Variants in MCM3AP observed in about 807,000 individuals in gnomAD.
MCM3AP encodes minichromosome maintenance complex component 3 associated protein, also known as germinal-center associated nuclear protein.
A neutral mutation model predicts 184.1 loss-of-function variants in MCM3AP; 126 were observed. The observed-to-expected ratio is 0.68, with a 90% CI of 0.59 to 0.79. The LOEUF (loss-of-function observed/expected upper bound fraction) is 0.79. Ranked by LOEUF, MCM3AP falls within the 30% of genes least tolerant of loss-of-function variation. The pLI, the probability that MCM3AP is intolerant of heterozygous loss-of-function variation, is 0.00. For synonymous variants in MCM3AP, 1,002 were observed against 979.3 expected (o/e 1.02, Z -0.43); for missense variants, 2,496 against 2,479.2 (o/e 1.01, Z -0.14).
At chr21:46,279,017 G>C (rs918793318) in intron 4 of MCM3AP, among the ~76,000 whole-genome samples, 1 of 151,564 alleles carries the variant, frequency 6.6e-6, no homozygotes, top group Admixed American at 6.6e-5. Context: ...AGTAATGCTG[G>C]AAACTGCTGA....
At chr21:46,269,915 C>T (rs1052481727) in intron 9 of MCM3AP, among the ~76,000 whole-genome samples, 12 of 152,170 alleles carry the variant, frequency 7.9e-5, no homozygotes, top group African/African-American at 2.4e-4. Flanking sequence ...GTTTACTCTG[C>T]GCAAACCCCA....
At chr21:46,258,056 C>A (rs1304444122) in intron 16 of MCM3AP, among the ~76,000 whole-genome samples, 1 of 152,120 alleles carries the variant, frequency 6.6e-6, no homozygotes, top group Non-Finnish European at 1.5e-5. Context: ...TACAGCCAAG[C>A]CTCCACCTCA....
Position 46,265,461 on chromosome 21 carries a change from A to G in MCM3AP, c.3094T>C (p.Ser1032Pro), listed in dbSNP as rs756082859. 31 of 1,613,486 alleles carry G rather than the reference A, an allele frequency of 1.9e-5. No homozygotes were observed. The highest frequency in any genetic ancestry group is 1.3e-4 in the Admixed American group (8 of 59,952). ...GGTGAGGGCGCAGGGGCTGGTAGAG[A>G]CTGTGGGAGACTGGACAGGGGTGCA... Reference protein sequence around the residue: ...PDAPLSSLPQSLPAPAPSPVP... With the variant: ...PDAPLSSLPQPLPAPAPSPVP... Residue 1032 changes from serine (S) to proline (P), a missense_variant, in exon 12 of 28, where the codon TCT (serine) becomes CCT (proline). Physicochemically the swap from Ser to Pro is moderately conservative, Grantham distance 74. Transcript: ENST00000291688.
In MCM3AP at chr21:46,256,921, G is replaced by A; in HGVS notation, c.3800C>T (p.Pro1267Leu). 1 of 1,611,634 alleles carries A rather than the reference G, an allele frequency of 6.2e-7. No homozygotes were observed. Residue 1267 changes from proline to leucine, a missense_variant, in exon 17 of 28, where the codon CCC (proline) becomes CTC (leucine). Coordinates refer to ENST00000291688, the MANE Select transcript of MCM3AP (RefSeq NM_003906.5). ...RRQMRAFPAA[P>L]CCVDVSDRLR... The stretch of plus-strand genomic sequence containing the variant: ...CCGGTCGCTCACGTCCACGCAGCAG[G>A]GCGCAGCAGGGAAAGCCCGCATTTG...
chr21:46,282,604 A>G (rs958619869), intron 2 of MCM3AP, among the ~76,000 whole-genome samples: 44 of 152,078 alleles, frequency 2.9e-4, no homozygotes, highest in Non-Finnish European at 5.4e-4. Flanking sequence ...GGAGATCGAG[A>G]CCATCCTGGC....
upstream of MCM3AP, chr21:46,286,126 GCGCCGGCCCAGCCCCCACGCTCAC>G (rs2081421403): frequency 6.6e-6 from 1 of 152,180 alleles, no homozygotes; most frequent in Non-Finnish European, 1.5e-5. Context: ...GGCGCCCCTG[GCGCCGGCCCAGCCCCCACGCTCAC>G]CGTCTCGCCC....
intron 13 of MCM3AP, among the ~76,000 whole-genome samples, chr21:46,262,043 G>A (rs1301121356): frequency 6.6e-6 from 1 of 152,160 alleles, no homozygotes; most frequent in Admixed American, 6.5e-5. Context: ...GAAGGGATAT[G>A]CAACCTGTAC....
At chr21:46,277,028 G>C (rs1437351677) in intron 5 of MCM3AP, among the ~76,000 whole-genome samples, 2 of 152,316 alleles carry the variant, frequency 1.3e-5, no homozygotes, top group African/African-American at 4.8e-5. Flanking sequence ...TGGGATTACA[G>C]GTGTGAGCCA....
intron 2 of MCM3AP, among the ~76,000 whole-genome samples, chr21:46,281,912 C>G (rs546608635): frequency 2.0e-5 from 3 of 151,990 alleles, no homozygotes; most frequent in African/African-American, 7.3e-5. Context: ...GGAGGAGAAT[C>G]GCTTGAACTG....
chr21:46,263,809 A>AAAAAAAAAAAAAAC (rs2081072997), intron 13 of MCM3AP, among the ~76,000 whole-genome samples: 1 of 143,066 alleles, frequency 7.0e-6, no homozygotes, highest in Non-Finnish European at 1.5e-5. Context: ...AAAAAAAAAA[A>AAAAAAAAAAAAAAC]AAGATGACAG....
At chr21:46,269,532 G>A (rs1360061959) in intron 9 of MCM3AP, among the ~76,000 whole-genome samples, 1 of 152,188 alleles carries the variant, frequency 6.6e-6, no homozygotes, top group Non-Finnish European at 1.5e-5. Context: ...AAGACCTTCT[G>A]ACTGTGACAT....
chr21:46,285,280 G>T lies in MCM3AP; in HGVS notation c.7C>A (p.Pro3Thr), dbSNP rs1249495304. The T allele has an allele frequency of 6.2e-7, 1 of 1,608,554 alleles. No homozygotes were observed. The highest frequency in any genetic ancestry group is 1.3e-5 in the African/African-American group (1 of 74,652). ...TGCTGCCCACTGAAAGGATTAGTTGGGTTCATCTTCTGCTCCAATTATTAG... is the reference window on the plus strand; with the variant it reads ...TGCTGCCCACTGAAAGGATTAGTTGTGTTCATCTTCTGCTCCAATTATTAG... MN[P>T]TNPFSGQQPS... The change falls in exon 1 of 28, where the codon CCA becomes ACA. Residue 3 changes from proline to threonine, a missense_variant. Coordinates refer to ENST00000291688, the MANE Select transcript of MCM3AP (RefSeq NM_003906.5).
chr21:46,270,424 G>A lies in MCM3AP; in HGVS notation c.2605C>T (p.Leu869Phe), dbSNP rs1421548873. Residue 869 changes from leucine (L) to phenylalanine (F), a missense_variant, in exon 9 of 28, where the codon CTT (leucine) becomes TTT (phenylalanine). Transcript: ENST00000291688. ...VQSASYLNAC[L>F]LHCYFSQIRK... The stretch of plus-strand genomic sequence containing the variant: ...ACCTGACTGAAGTAACAGTGTAAAA[G>A]ACAAGCGTTCAGGTAAGAAGCTGAC... 6.2e-7 allele frequency: 1 copy of A among 1,613,354 alleles called. No individual in the cohort carries two copies. The highest frequency in any genetic ancestry group is 8.5e-7 in the Non-Finnish European group (1 of 1,179,776).
chr21:46,240,436 A>C (rs1460887056), intron 26 of MCM3AP, among the ~76,000 whole-genome samples: 1 of 152,144 alleles, frequency 6.6e-6, no homozygotes, highest in Admixed American at 6.5e-5. Context: ...GCTCCTGTCC[A>C]TTCACAGCAT....
rs554971551 is a variant in MCM3AP at position 46,283,532 on chromosome 21, C to T, written c.1443+83G>A. 91 of 872,976 alleles carry T rather than the reference C, an allele frequency of 1.0e-4. 1 individual carries two copies. The highest frequency in any genetic ancestry group is 9.4e-4 in the African/African-American group (55 of 58,562). 54.1% of individuals were successfully genotyped at this position (872,976 alleles called of 1,614,324 possible). On this transcript the variant is annotated intron_variant, in intron 2 of 27. Transcript: ENST00000291688. Reference sequence around the variant, plus strand: ...TCTCTATATTATAGTAAGCAAACAACTGAGGGACCAAAAAAAAAAAACAGG... The same window carrying T: ...TCTCTATATTATAGTAAGCAAACAATTGAGGGACCAAAAAAAAAAAACAGG...
At chr21:46,260,666 A>G in intron 15 of MCM3AP, 127 bp downstream of exon 15, 2 of 652,780 alleles carry the variant, frequency 3.1e-6, no homozygotes, top group Non-Finnish European at 5.4e-6. Context: ...ATTTGGTCAC[A>G]AAATCAAAGT....
chr21:46,258,071 A>G (rs1467346685), intron 16 of MCM3AP, among the ~76,000 whole-genome samples: 2 of 152,178 alleles, frequency 1.3e-5, no homozygotes, highest in African/African-American at 4.8e-5. Context: ...ACCTCATATC[A>G]GATGGAGCAA....
At position 46,278,705 on chromosome 21, in the gene MCM3AP, G is replaced by T. The variant is rs138485470; in HGVS notation, c.1668-988C>A. The stretch of plus-strand genomic sequence containing the variant: ...CTTTTTTTTTTTGAGATGGGGTCTC[G>T]CTCTGTTGCCCAGTCTGGAGTGCAG... On this transcript the variant is annotated intron_variant, in intron 4 of 27. Coordinates refer to ENST00000291688, the MANE Select transcript of MCM3AP (RefSeq NM_003906.5). Among the ~76,000 whole-genome samples the T allele has an allele frequency of 2.9e-3, 441 of 151,376 alleles. 4 individuals carry two copies. Among genetic ancestry groups the T allele is most frequent in the African/African-American group, 1.0e-2 (411 of 41,246 alleles).
intron 5 of MCM3AP, 123 bp downstream of exon 5, chr21:46,277,404 A>AT: frequency 1.5e-6 from 1 of 646,234 alleles, no homozygotes; most frequent in Non-Finnish European, 2.6e-6. Context: ...CAGACACAGC[A>AT]TATCACAGGC....
Sources: gnomAD v4.1 joint callset for allele counts (sites outside exome capture counted in the v4.1 genomes callset) on GRCh38, gnomAD v4.1.1 for gene constraint, MANE v1.5 for transcripts, NCBI Gene and HGNC (gene_info 2026-07-23, HGNC 2026-07-21) for gene names.